SHROOM2: variants seen among roughly 807,000 people sequenced by gnomAD.
SHROOM2 encodes the protein protein Shroom2.
A neutral mutation model predicts 75.9 loss-of-function variants in SHROOM2; 33 were observed. The ratio of observed to expected loss-of-function variants is 0.43; its 90% CI spans 0.33 to 0.58. The LOEUF (loss-of-function observed/expected upper bound fraction) is 0.58. Ranked by LOEUF, SHROOM2 falls within the 20% of genes least tolerant of loss-of-function variation. The pLI is 0.04. For synonymous variants in SHROOM2, 655 were observed against 663.6 expected, an observed-to-expected ratio of 0.99 and a Z score of 0.20; for missense variants, 1,434 against 1,461.2, an observed-to-expected ratio of 0.98 and a Z score of 0.30.
chrX:9,949,305 T>TG lies in SHROOM2; in HGVS notation c.*2374dup. 1 of 330,597 alleles carries TG rather than the reference T, an allele frequency of 3.0e-6. No homozygotes were observed. The highest frequency in any genetic ancestry group is 5.9e-6 in the Non-Finnish European group (1 of 169,951). 27.2% of individuals were successfully genotyped at this position (330,597 alleles called of 1,213,427 possible). On this transcript the variant is annotated 3_prime_UTR_variant, in exon 10 of 10. Coordinates refer to ENST00000380913, the MANE Select transcript of SHROOM2 (RefSeq NM_001649.4). ...GTGTGGCTGTGGAGGGCTCTGCCTA[T>TG]GGGGGGTGGCCTGTGGCTTGTATCC...
intron 1 of SHROOM2, among the ~76,000 whole-genome samples, chrX:9,830,623 C>G (rs764081548): frequency 2.3e-4 from 12 of 51,383 alleles, no homozygotes; most frequent in Admixed American, 2.0e-3. Flanking sequence ...TTTTTTGAGA[C>G]AGAGTTTCAC....
intron 2 of SHROOM2, 123 bp downstream of exon 2, chrX:9,873,926 G>A: frequency 1.4e-6 from 1 of 718,433 alleles, no homozygotes. Flanking sequence ...TGCACTTAGA[G>A]TTATATGTCT....
intron 5 of SHROOM2, among the ~76,000 whole-genome samples, chrX:9,924,592 G>A (rs1227091130): frequency 9.0e-6 from 1 of 110,807 alleles, no homozygotes; most frequent in Non-Finnish European, 1.9e-5. Context: ...CTTGCCTCGG[G>A]CAGTCCTCCT....
chrX:9,878,598 T>A (rs779981745), intron 2 of SHROOM2, among the ~76,000 whole-genome samples: 98 of 112,258 alleles, frequency 8.7e-4, no homozygotes, highest in African/African-American at 3.1e-3. Context: ...TGCTGCTGGC[T>A]CCTTGGAGCT....
chrX:9,856,070 G>A (rs1236017524), intron 1 of SHROOM2, among the ~76,000 whole-genome samples: 3 of 105,957 alleles, frequency 2.8e-5, no homozygotes, highest in Non-Finnish European at 3.9e-5. Flanking sequence ...GAACTTGGGG[G>A]AAATAAATGC....
chrX:9,898,686 G>A (rs1193972593), intron 5 of SHROOM2, among the ~76,000 whole-genome samples: 1 of 112,419 alleles, frequency 8.9e-6, no homozygotes, highest in Non-Finnish European at 1.9e-5. Flanking sequence ...ACAGCTGTGT[G>A]CCTAGCCGCG....
At chrX:9,849,587 G>A (rs770996234) in intron 1 of SHROOM2, among the ~76,000 whole-genome samples, 10 of 111,265 alleles carry the variant, frequency 9.0e-5, no homozygotes, top group Non-Finnish European at 1.5e-4. Context: ...AGCTTTACAC[G>A]TCGCCTTAGA....
At chrX:9,802,614 G>A (rs2083729492) in intron 1 of SHROOM2, among the ~76,000 whole-genome samples, 3 of 111,726 alleles carry the variant, frequency 2.7e-5, no homozygotes, top group Non-Finnish European at 5.6e-5. Context: ...ACTTGACCCG[G>A]GAGGTCCCTG....
chrX:9,888,259 G>A (rs2084271770), intron 2 of SHROOM2, among the ~76,000 whole-genome samples: 1 of 98,397 alleles, frequency 1.0e-5, no homozygotes, highest in African/African-American at 4.1e-5. Context: ...TTTCCACGTT[G>A]CCTCTGCAGG....
chrX:9,920,489 C>A (rs1268561358), intron 5 of SHROOM2, among the ~76,000 whole-genome samples: 2 of 112,176 alleles, frequency 1.8e-5, no homozygotes, highest in Non-Finnish European at 3.8e-5. Flanking sequence ...TAGCTTTAAG[C>A]TTTTGTCAAT....
intron 5 of SHROOM2, among the ~76,000 whole-genome samples, chrX:9,914,069 C>T (rs1475363584): frequency 1.2e-5 from 1 of 84,486 alleles, no homozygotes; most frequent in East Asian, 4.8e-4. Flanking sequence ...ACCCCCCTGC[C>T]CCCCCGCCCC....
At chrX:9,943,577 C>T (rs915617656) in intron 8 of SHROOM2, among the ~76,000 whole-genome samples, 1 of 111,771 alleles carries the variant, frequency 8.9e-6, no homozygotes, top group Non-Finnish European at 1.9e-5. Flanking sequence ...CTAATAGTTA[C>T]GCAGTTTCAG....
chrX:9,804,143 G>C (rs754168671), intron 1 of SHROOM2, among the ~76,000 whole-genome samples: 1 of 111,510 alleles, frequency 9.0e-6, no homozygotes, highest in South Asian at 3.8e-4. Context: ...GTCTTCCTTT[G>C]ACAACTCCCC....
chrX:9,831,433 C>T (rs1318817433), intron 1 of SHROOM2, among the ~76,000 whole-genome samples: 2 of 111,401 alleles, frequency 1.8e-5, no homozygotes, highest in Admixed American at 9.5e-5. Context: ...CTGAGGTGGG[C>T]GGATCACCTG....
intron 6 of SHROOM2, among the ~76,000 whole-genome samples, chrX:9,935,162 G>A (rs755848401): frequency 1.8e-5 from 2 of 110,817 alleles, no homozygotes; most frequent in African/African-American, 3.3e-5. Context: ...CTGCACAAAA[G>A]GGGGAGGATA....
intron 7 of SHROOM2, among the ~76,000 whole-genome samples, 190 bp downstream of exon 7, chrX:9,937,875 C>T (rs907763869): frequency 8.9e-6 from 1 of 112,225 alleles, no homozygotes; most frequent in Non-Finnish European, 1.9e-5. Context: ...GGAGGGTTAA[C>T]GGCTTTGGGC....
intron 9 of SHROOM2, 118 bp from the exon 10 acceptor site, chrX:9,946,553 A>G: frequency 1.5e-6 from 1 of 647,921 alleles, no homozygotes; most frequent in Non-Finnish European, 2.3e-6. Flanking sequence ...CTCTGGTGGC[A>G]TCAGGGTTTC....
intron 1 of SHROOM2, among the ~76,000 whole-genome samples, chrX:9,810,806 A>G (rs779531743): frequency 5.7e-4 from 63 of 110,743 alleles, no homozygotes; most frequent in African/African-American, 2.0e-3. Context: ...CCAGCCCTGC[A>G]AAGTATTGTC....
At chrX:9,876,058 C>A (rs983772305) in intron 2 of SHROOM2, among the ~76,000 whole-genome samples, 1 of 112,238 alleles carries the variant, frequency 8.9e-6, no homozygotes, top group Non-Finnish European at 1.9e-5. Flanking sequence ...TAAACTTTTG[C>A]CCTGAAGGAT....
Sources: gnomAD v4.1 joint callset for allele counts (sites outside exome capture counted in the v4.1 genomes callset) on GRCh38, gnomAD v4.1.1 for gene constraint, MANE v1.5 for transcripts, NCBI Gene and HGNC (gene_info 2026-07-23, HGNC 2026-07-21) for gene names.